The following KDM6A variants were observed in gnomAD, a reference collection of about 807,000 sequenced individuals.
KDM6A encodes the protein lysine-specific demethylase 6A.
In KDM6A, 11 loss-of-function variants were observed where a neutral mutation model predicts 117.6. The ratio of observed to expected loss-of-function variants is 0.09; its 90% CI spans 0.06 to 0.15. The LOEUF is 0.15. KDM6A is among the 10% of genes least tolerant of loss of function. The probability of loss-of-function intolerance (pLI) is 1.00; values close to 1 mark genes in which losing one functional copy is unlikely to be tolerated. For missense variants in KDM6A, 799 were observed against 1,077.3 expected (o/e 0.74, Z 3.62); for synonymous variants, 384 against 396.1 (o/e 0.97, Z 0.36).
At chrX:45,064,009 C>T (rs1466590982) in intron 17 of KDM6A, among the ~76,000 whole-genome samples, 192 bp downstream of exon 17, 1 of 111,893 alleles carries the variant, frequency 8.9e-6, no homozygotes, top group African/African-American at 3.3e-5. Context: ...TGTACAGTCT[C>T]TACCGACATA....
At chrX:45,008,888 G>A (rs1343631938) in intron 4 of KDM6A, among the ~76,000 whole-genome samples, 2 of 111,461 alleles carry the variant, frequency 1.8e-5, no homozygotes, top group African/African-American at 3.3e-5. Context: ...TTCCTCATTC[G>A]GAAAATTGGG....
intron 27 of KDM6A, among the ~76,000 whole-genome samples, chrX:45,097,439 T>C: frequency 9.0e-6 from 1 of 111,369 alleles, no homozygotes; most frequent in Non-Finnish European, 1.9e-5. Context: ...TCTGTTGCAG[T>C]ATCCTGGGAA....
At chrX:44,929,580 A>G (rs1422147873) in intron 2 of KDM6A, among the ~76,000 whole-genome samples, 1 of 111,937 alleles carries the variant, frequency 8.9e-6, no homozygotes, top group Non-Finnish European at 1.9e-5. Context: ...TTTGGCTATT[A>G]AAAGAAAGCT....
intron 4 of KDM6A, among the ~76,000 whole-genome samples, chrX:45,009,510 T>C (rs898014758): frequency 5.4e-5 from 6 of 111,364 alleles, no homozygotes; most frequent in Non-Finnish European, 9.4e-5. Flanking sequence ...CAACCTCCAG[T>C]CTCATCCTGT....
Position 44,967,948 on chromosome X carries a change from A to T in KDM6A, c.334+6556A>T, listed in dbSNP as rs186321741. Among the ~76,000 whole-genome samples, 179 of 112,688 alleles carry T rather than the reference A, an allele frequency of 1.6e-3. 1 individual carries two copies. Among genetic ancestry groups the T allele is most frequent in the African/African-American group, 5.7e-3 (177 of 31,045 alleles). On this transcript the variant is annotated intron_variant, in intron 3 of 29. Coordinates refer to ENST00000611820, the MANE Select transcript of KDM6A (RefSeq NM_001291415.2). ...GTAGGAATTTATTTTAAGTCTTAAA[A>T]TAGTAATTGGATAGGGGATTGTGGG...
intron 2 of KDM6A, among the ~76,000 whole-genome samples, chrX:44,911,886 G>C (rs974722345): frequency 2.7e-5 from 3 of 110,565 alleles, no homozygotes; most frequent in Non-Finnish European, 5.7e-5. Context: ...AACCAGTCAG[G>C]CGTGGCGGCG....
At chrX:45,020,089 A>G (rs971227932) in intron 5 of KDM6A, among the ~76,000 whole-genome samples, 5 of 111,717 alleles carry the variant, frequency 4.5e-5, no homozygotes, top group African/African-American at 1.3e-4. Flanking sequence ...ATTGGATATC[A>G]GTTTGGAAAA....
chrX:45,087,825 G>C (rs2045708840), intron 25 of KDM6A, among the ~76,000 whole-genome samples: 1 of 111,594 alleles, frequency 9.0e-6, no homozygotes, highest in Admixed American at 9.5e-5. Context: ...AAAATATCAA[G>C]TTAGAAGGAA....
In KDM6A at chrX:44,873,912, C is replaced by G. The variant is rs372752892; in HGVS notation, c.162-12C>G. The G allele has an allele frequency of 8.3e-7, 1 of 1,207,911 alleles. No individual in the cohort carries two copies. Among genetic ancestry groups the G allele is most frequent in the Non-Finnish European group, 1.1e-6 (1 of 892,955 alleles). ...CTGAGCGTTAACGAGTAAACTGTGT[C>G]TGTCTCCACAGCCGCCTCTTTGGGT... On this transcript the variant is annotated splice_polypyrimidine_tract_variant and intron_variant, in intron 1 of 29. Coordinates refer to ENST00000611820, the MANE Select transcript of KDM6A (RefSeq NM_001291415.2).
intron 4 of KDM6A, among the ~76,000 whole-genome samples, chrX:44,998,216 T>G (rs1325573209): frequency 9.0e-6 from 1 of 111,291 alleles, no homozygotes; most frequent in Non-Finnish European, 1.9e-5. Flanking sequence ...AAAGTTGAGG[T>G]CCTAACTAAC....
chrX:45,009,245 G>A (rs2041647518), intron 4 of KDM6A, among the ~76,000 whole-genome samples: 2 of 112,426 alleles, frequency 1.8e-5, no homozygotes, highest in Non-Finnish European at 3.8e-5. Flanking sequence ...TTATTCATTA[G>A]TTTTCCAGGA....
intron 4 of KDM6A, among the ~76,000 whole-genome samples, chrX:44,990,336 C>T (rs1201140539): frequency 9.0e-6 from 1 of 110,805 alleles, no homozygotes; most frequent in African/African-American, 3.3e-5. Flanking sequence ...GTCAGGAGTT[C>T]AAGACCAGCC....
Position 45,060,588 on chromosome X carries a change from TCTTC to T in KDM6A, c.1330-16_1330-13del. 1 of 1,036,528 alleles carries T rather than the reference TCTTC, an allele frequency of 9.6e-7. No individual in the cohort carries two copies. The highest frequency in any genetic ancestry group is 4.5e-5 in the East Asian group (1 of 22,388). 85.4% of individuals were successfully genotyped at this position (1,036,528 alleles called of 1,213,427 possible). A position where few individuals can be genotyped will look rare whatever the true frequency, so the allele number is the denominator to read the frequency against. On this transcript the variant is annotated splice_polypyrimidine_tract_variant and intron_variant, in intron 13 of 29. Coordinates refer to ENST00000611820, the MANE Select transcript of KDM6A (RefSeq NM_001291415.2). ...AAGAATATATAGAACCCTATTTTTG[TCTTC>T]CTTCTGTGATTCTTAGGCATGTAAA...
intron 2 of KDM6A, among the ~76,000 whole-genome samples, chrX:44,936,914 A>G (rs1293698708): frequency 8.9e-6 from 1 of 111,814 alleles, no homozygotes; most frequent in African/African-American, 3.3e-5. Flanking sequence ...AGCCTGTAAT[A>G]CAACTGACAT....
chrX:45,061,444 T>C, intron 15 of KDM6A, 25 bp downstream of exon 15: 1 of 886,009 alleles, frequency 1.1e-6, no homozygotes, highest in East Asian at 3.2e-5. Flanking sequence ...TTTGACAAAT[T>C]GTTTATTAAA....
chrX:45,034,869 C>G lies in KDM6A; in HGVS notation c.565-62C>G, dbSNP rs981493638. 1.4e-5 allele frequency: 13 copies of G among 928,617 alleles called. No homozygotes were observed. The African/African-American group carries it at 2.3e-4, about 17-fold the overall frequency. 76.5% of individuals were successfully genotyped at this position (928,617 alleles called of 1,213,427 possible). A position where few individuals can be genotyped will look rare whatever the true frequency, so the allele number is the denominator to read the frequency against. ...TAGACCTTACATACCTGAAAAGTAT[C>G]TTAAGATGCTTTTGTGTGACTCTAA... On this transcript the variant is annotated intron_variant, in intron 6 of 29. Coordinates refer to ENST00000611820, the MANE Select transcript of KDM6A (RefSeq NM_001291415.2).
At chrX:45,031,660 A>G (rs1210315188) in intron 6 of KDM6A, among the ~76,000 whole-genome samples, 1 of 111,933 alleles carries the variant, frequency 8.9e-6, no homozygotes, top group Non-Finnish European at 1.9e-5. Context: ...GTCAATTGCA[A>G]AAAGTTATCC....
At chrX:44,991,284 T>C (rs1331897835) in intron 4 of KDM6A, among the ~76,000 whole-genome samples, 1 of 111,843 alleles carries the variant, frequency 8.9e-6, no homozygotes, top group Non-Finnish European at 1.9e-5. Flanking sequence ...TTTATTTCCT[T>C]CTTTCTTTGG....
At chrX:45,080,735 C>A (rs1168861083) in intron 21 of KDM6A, among the ~76,000 whole-genome samples, 4 of 112,221 alleles carry the variant, frequency 3.6e-5, no homozygotes, top group Non-Finnish European at 7.5e-5. Flanking sequence ...GCAGTGAATT[C>A]ATTGTCCATA....
Sources: gnomAD v4.1 joint callset for allele counts (sites outside exome capture counted in the v4.1 genomes callset) on GRCh38, gnomAD v4.1.1 for gene constraint, MANE v1.5 for transcripts, NCBI Gene and HGNC (gene_info 2026-07-23, HGNC 2026-07-21) for gene names.